The following TFIP11 variants were observed in gnomAD, a reference collection of about 807,000 sequenced individuals.
TFIP11 encodes tuftelin-interacting protein 11.
Under a neutral mutation model 96.8 loss-of-function variants are expected in TFIP11, and 86 were observed. The ratio of observed to expected loss-of-function variants is 0.89; its 90% CI spans 0.75 to 1.06. The LOEUF is 1.06. TFIP11 is among the 50% of genes least tolerant of loss of function. The probability of loss-of-function intolerance (pLI) is 0.00; values close to 1 mark genes in which losing one functional copy is unlikely to be tolerated. For synonymous variants in TFIP11, 405 were observed against 395.2 expected (o/e 1.02, Z -0.29); for missense variants, 881 against 1,076.7 (o/e 0.82, Z 2.54).
chr22:26,512,454 C>T lies in TFIP11; in HGVS notation c.-233G>A, dbSNP rs918721100. 3 of 152,384 alleles carry T rather than the reference C, an allele frequency of 2.0e-5. No individual in the cohort carries two copies. The highest frequency in any genetic ancestry group is 7.2e-5 in the African/African-American group (3 of 41,476). The allele number at this position is 152,384 out of a possible 1,614,324, so 9.4% of individuals were successfully genotyped here. A position where few individuals can be genotyped will look rare whatever the true frequency, so the allele number is the denominator to read the frequency against. ...CCATCCGCGCGAGAAGACGCCGCTC[C>T]TACACCAGAACCCGGAAGCACCGTG... is the stretch of plus-strand genomic sequence containing the variant. On this transcript the variant is annotated 5_prime_UTR_variant, in exon 1 of 15. Coordinates refer to ENST00000407690, the MANE Select transcript of TFIP11 (RefSeq NM_012143.4).
At chr22:26,493,004 C>A (rs1264301553) in intron 14 of TFIP11, 1 of 152,018 alleles carries the variant, frequency 6.6e-6, no homozygotes, top group Non-Finnish European at 1.5e-5. Context: ...TACTTAATCT[C>A]TGTTTTCACA....
intron 10 of TFIP11, among the ~76,000 whole-genome samples, chr22:26,497,280 G>A (rs554702476): frequency 1.3e-5 from 2 of 152,258 alleles, no homozygotes; most frequent in East Asian, 3.9e-4. Flanking sequence ...TTCCAAGTAG[G>A]TTGCTCCTGC....
Position 26,491,485 on chromosome 22 carries a change from T to A in TFIP11, c.*528A>T. On this transcript the variant is annotated 3_prime_UTR_variant, in exon 15 of 15. Coordinates refer to ENST00000407690, the MANE Select transcript of TFIP11 (RefSeq NM_012143.4). ...CAGATTTTAAAAGGACTGGAGGAGCTTGAGTTTCCTCAGACTTCACAATAC... is the reference window on the plus strand; with the variant it reads ...CAGATTTTAAAAGGACTGGAGGAGCATGAGTTTCCTCAGACTTCACAATAC... The A allele has an allele frequency of 6.2e-7, 1 of 1,613,534 alleles. No homozygotes were observed. The highest frequency in any genetic ancestry group is 8.5e-7 in the Non-Finnish European group (1 of 1,179,958).
chr22:26,501,804 A>AGG, intron 8 of TFIP11, 96 bp downstream of exon 8: 2 of 833,444 alleles, frequency 2.4e-6, no homozygotes, highest in South Asian at 2.4e-5. Flanking sequence ...AAAAAAAAAA[A>AGG]AAAGCCTAGC....
chr22:26,494,790 A>G lies in TFIP11; in HGVS notation c.1992+7T>C, dbSNP rs556648629. 1.9e-6 allele frequency: 3 copies of G among 1,614,162 alleles called. No homozygotes were observed. The highest frequency in any genetic ancestry group is 2.7e-5 in the African/African-American group (2 of 75,058). ...TCCCCCAGAAATCCAAGCAAAACAA[A>G]GTGTACCTGAAGCCACTTGGGGAAG... On this transcript the variant is annotated splice_region_variant and intron_variant, in intron 13 of 14. Transcript: ENST00000407690.
intron 11 of TFIP11, 141 bp from the exon 12 acceptor site, chr22:26,496,457 A>C: frequency 8.4e-7 from 1 of 1,189,818 alleles, no homozygotes; most frequent in Non-Finnish European, 1.2e-6. Context: ...TTGCCAAACA[A>C]ATATGCCCAT....
At chr22:26,494,531 C>T in intron 13 of TFIP11, 1 of 701,918 alleles carries the variant, frequency 1.4e-6, no homozygotes, top group Non-Finnish European at 2.3e-6. Context: ...GCTTCCATGT[C>T]TACACAACAG....
intron 7 of TFIP11, 114 bp downstream of exon 7, chr22:26,503,552 G>GCA (rs1923042511): frequency 7.5e-7 from 1 of 1,329,364 alleles, no homozygotes; most frequent in Admixed American, 2.2e-5. Flanking sequence ...CCAGTACCTG[G>GCA]CATACGGTAC....
Position 26,492,317 on chromosome 22 carries a change from G to A in TFIP11, c.2210C>T (p.Thr737Met), listed in dbSNP as rs147683514. 9.3e-6 allele frequency: 15 copies of A among 1,614,046 alleles called. No homozygotes were observed. Among genetic ancestry groups the A allele is most frequent in the South Asian group, 2.2e-5 (2 of 91,094 alleles). ...GTACTGGAAGTCCTTCCTCCGCTCCGTGTGGGTGAGATAGGCAATGTTCTC... is the reference window on the plus strand; with the variant it reads ...GTACTGGAAGTCCTTCCTCCGCTCCATGTGGGTGAGATAGGCAATGTTCTC... ...ARENIAYLTH[T>M]ERRKDFQYEA... The change falls in exon 15 of 15, where the codon ACG becomes ATG. Residue 737 changes from threonine (T) to methionine (M), a missense_variant. Thr to Met is a moderately conservative substitution (Grantham distance 81, BLOSUM62 -1). Transcript: ENST00000407690.
intron 4 of TFIP11, among the ~76,000 whole-genome samples, chr22:26,507,719 A>ACT (rs1386913063): frequency 6.6e-6 from 1 of 152,082 alleles, no homozygotes; most frequent in African/African-American, 2.4e-5. Flanking sequence ...ATTGATTTAA[A>ACT]CTCTGACTGC....
At chr22:26,498,387 A>G (rs2050340495) in intron 10 of TFIP11, among the ~76,000 whole-genome samples, 1 of 152,140 alleles carries the variant, frequency 6.6e-6, no homozygotes, top group African/African-American at 2.4e-5. Flanking sequence ...TACTAAAAAT[A>G]CAAAAATTAG....
intron 14 of TFIP11, chr22:26,493,332 A>G (rs1921468002): frequency 6.6e-6 from 1 of 152,218 alleles, no homozygotes; most frequent in South Asian, 2.1e-4. Context: ...GGCCTAGGCT[A>G]TTAAATAACA....
rs373522211 is a variant in TFIP11, at chr22:26,506,319, G to A, written c.504C>T (p.Leu168=). Reference sequence around the variant, plus strand: ...GTGCAATACCTTGTGCATTCTTCCCGAGGCCCCGTCCAGGGACGTAGCCCA... The same window carrying A: ...GTGCAATACCTTGTGCATTCTTCCCAAGGCCCCGTCCAGGGACGTAGCCCA... ...QKMGYVPGRG[L]GKNAQGIINP... Residue 168 remains leucine (L), a synonymous_variant, in exon 6 of 15, where the codon CTC becomes CTT. Transcript: ENST00000407690. 3.9e-5 allele frequency: 63 copies of A among 1,607,350 alleles called. 1 individual carries two copies. The highest frequency in any genetic ancestry group is 2.6e-4 in the South Asian group (23 of 89,594).
In TFIP11 at chr22:26,491,606, T is replaced by G; in HGVS notation, c.*407A>C. On this transcript the variant is annotated 3_prime_UTR_variant, in exon 15 of 15. Transcript: ENST00000407690. ...TTTGGGAGTTTCGGGAAGAACCAGA[T>G]TATCAGGACTGTGAGGACCTTGAAA... 1 of 1,614,130 alleles carries G rather than the reference T, an allele frequency of 6.2e-7. No homozygotes were observed. Among genetic ancestry groups the G allele is most frequent in the Non-Finnish European group, 8.5e-7 (1 of 1,180,030 alleles).
chr22:26,493,740 T>G, intron 14 of TFIP11: 1 of 206,050 alleles, frequency 4.9e-6, no homozygotes, highest in Non-Finnish European at 1.0e-5. Context: ...TGGGGCTGAT[T>G]AAGGCTGAGC....
Position 26,491,892 on chromosome 22 carries a change from T to A in TFIP11, c.*121A>T. The A allele has an allele frequency of 9.3e-7, 1 of 1,077,778 alleles. No homozygotes were observed. The highest frequency in any genetic ancestry group is 1.6e-5 in the South Asian group (1 of 62,408). 66.8% of individuals were successfully genotyped at this position (1,077,778 alleles called of 1,614,324 possible). Reference sequence around the variant, plus strand: ...TACATCCTTCCCTCATGACCTGGCCTGATGTGGAGTAGCTCCTGAGTAAAG... The same window carrying A: ...TACATCCTTCCCTCATGACCTGGCCAGATGTGGAGTAGCTCCTGAGTAAAG... On this transcript the variant is annotated 3_prime_UTR_variant, in exon 15 of 15. Transcript: ENST00000407690.
At chr22:26,494,532 T>A in intron 13 of TFIP11, 1 of 700,594 alleles carries the variant, frequency 1.4e-6, no homozygotes, top group Non-Finnish European at 2.3e-6. Context: ...CTTCCATGTC[T>A]ACACAACAGG....
chr22:26,494,166 T>C lies in TFIP11; in HGVS notation c.2131A>G (p.Met711Val), dbSNP rs2147119660. Reference sequence around the variant, plus strand: ...ACGTTGGAGGACACCGCCCGGTTCATGATATCAAGTGCCTCATTAAATTTG... The same window carrying C: ...ACGTTGGAGGACACCGCCCGGTTCACGATATCAAGTGCCTCATTAAATTTG... ...KDKFNEALDI[M>V]NRAVSSNVGA... is the part of the protein sequence containing the mutation. The change falls in exon 14 of 15, where the codon ATG becomes GTG. Residue 711 changes from methionine (M) to valine (V), a missense_variant. Coordinates refer to ENST00000407690, the MANE Select transcript of TFIP11 (RefSeq NM_012143.4). The C allele has an allele frequency of 1.2e-6, 2 of 1,614,204 alleles. No homozygotes were observed. The highest frequency in any genetic ancestry group is 2.2e-5 in the East Asian group (1 of 44,882).
chr22:26,506,649 C>T, intron 5 of TFIP11, 126 bp downstream of exon 5: 2 of 1,379,402 alleles, frequency 1.4e-6, no homozygotes, highest in Non-Finnish European at 2.0e-6. Flanking sequence ...CTCACAGAAA[C>T]CTGCCACCAA....
Sources: allele counts gnomAD v4.1 joint callset (sites outside exome capture counted in the v4.1 genomes callset), GRCh38; gene constraint gnomAD v4.1.1; transcripts MANE v1.5; gene names NCBI Gene and HGNC (gene_info 2026-07-23, HGNC 2026-07-21).